Variants in NPAS3 observed in about 807,000 individuals in gnomAD.
The protein encoded by NPAS3 is neuronal PAS domain-containing protein 3.
Under a neutral mutation model 73.1 loss-of-function variants are expected in NPAS3, and 14 were observed. The observed-to-expected ratio is 0.19, with a 90% CI of 0.13 to 0.30. The LOEUF (loss-of-function observed/expected upper bound fraction) is 0.30. Among genes scored for constraint, NPAS3 ranks in the 10% least tolerant of loss-of-function variants. The pLI is 1.00. For synonymous variants in NPAS3, 620 were observed against 541.5 expected (o/e 1.14, Z -2.01); for missense variants, 1,096 against 1,250.0 (o/e 0.88, Z 1.86).
intron 1 of NPAS3, among the ~76,000 whole-genome samples, chr14:33,044,123 T>C (rs1314298853): frequency 6.6e-6 from 1 of 152,224 alleles, no homozygotes; most frequent in Non-Finnish European, 1.5e-5. Context: ...TTGTCAATGA[T>C]GTTAAAAACT....
chr14:33,800,318 C>G lies in NPAS3; in HGVS notation c.2011C>G (p.Arg671Gly). The change falls in exon 12 of 12, where the codon CGG becomes GGG. Residue 671 changes from arginine (R) to glycine (G), a missense_variant. Transcript: ENST00000356141. The surrounding 1 kb of genome is among the most constrained non-coding windows in gnomAD (Gnocchi z 6.5). ...CAGCATCTGGAACTACCCGCCCAAC[C>G]GGGAGATCTCCAGGAACGAGTCCCC... The G allele has an allele frequency of 6.2e-7, 1 of 1,613,330 alleles. No individual in the cohort carries two copies. Among genetic ancestry groups the G allele is most frequent in the Non-Finnish European group, 8.5e-7 (1 of 1,179,578 alleles).
intron 2 of NPAS3, among the ~76,000 whole-genome samples, chr14:33,169,735 G>A (rs2045315237): frequency 6.6e-6 from 1 of 152,210 alleles, no homozygotes; most frequent in Non-Finnish European, 1.5e-5. Context: ...CAGAAAGGCT[G>A]CCAGGTTTTC....
chr14:33,154,411 GT>G (rs1415315843), intron 2 of NPAS3, among the ~76,000 whole-genome samples: 6 of 152,228 alleles, frequency 3.9e-5, no homozygotes, highest in Non-Finnish European at 5.9e-5. Context: ...GTCTAAGAAT[GT>G]TTAATGGTCG....
chr14:33,078,933 T>G (rs2041766370), intron 2 of NPAS3, among the ~76,000 whole-genome samples: 1 of 152,192 alleles, frequency 6.6e-6, no homozygotes, highest in Admixed American at 6.5e-5. Context: ...TATCAGAAAA[T>G]AATTGAGAAT....
chr14:33,684,879 A>G (rs191826350), intron 6 of NPAS3, among the ~76,000 whole-genome samples: 5 of 152,330 alleles, frequency 3.3e-5, no homozygotes, highest in East Asian at 3.9e-4. Context: ...GAGCAGAGCA[A>G]TGGTGTTCAT....
At chr14:33,770,351 C>T (rs890942172) in intron 7 of NPAS3, among the ~76,000 whole-genome samples, 2 of 152,208 alleles carry the variant, frequency 1.3e-5, no homozygotes, top group Admixed American at 1.3e-4. Context: ...TGGGAATTCA[C>T]ATGTTAACAA....
chr14:33,197,249 G>GTGTGTA, intron 2 of NPAS3, among the ~76,000 whole-genome samples: 1 of 147,298 alleles, frequency 6.8e-6, no homozygotes, highest in East Asian at 2.0e-4. Context: ...GTGTGTGTGT[G>GTGTGTA]TGTGTGTGTG....
chr14:33,287,861 A>T (rs145192993), intron 3 of NPAS3, among the ~76,000 whole-genome samples: 30 of 152,346 alleles, frequency 2.0e-4, no homozygotes, highest in African/African-American at 4.8e-4. Context: ...CAGTGCATGT[A>T]CATTCCACCA....
At chr14:33,557,102 TGA>T (rs2055390684) in intron 4 of NPAS3, among the ~76,000 whole-genome samples, 6 of 152,118 alleles carry the variant, frequency 3.9e-5, no homozygotes, top group Non-Finnish European at 8.8e-5. Context: ...AAAGATATGT[TGA>T]AATTAGATCC....
chr14:32,943,955 G>T (rs1027833976), intron 1 of NPAS3, among the ~76,000 whole-genome samples: 4 of 152,168 alleles, frequency 2.6e-5, no homozygotes, highest in African/African-American at 9.7e-5. Flanking sequence ...CTCCCAAAGT[G>T]CTGGGATTAC....
intron 3 of NPAS3, among the ~76,000 whole-genome samples, chr14:33,219,461 C>A (rs1394586152): frequency 1.3e-5 from 2 of 152,116 alleles, no homozygotes; most frequent in Non-Finnish European, 2.9e-5. Flanking sequence ...GGTAACAATG[C>A]TAAAATATGT....
chr14:33,715,145 T>C (rs1245336388), intron 6 of NPAS3, among the ~76,000 whole-genome samples: 1 of 152,266 alleles, frequency 6.6e-6, no homozygotes, highest in African/African-American at 2.4e-5. Context: ...TTGACTATAA[T>C]AGGGACCTGT....
chr14:33,333,335 G>A (rs1231366087), intron 3 of NPAS3, among the ~76,000 whole-genome samples: 1 of 152,164 alleles, frequency 6.6e-6, no homozygotes. Context: ...GCAAACAGAT[G>A]TTTAACATTT....
chr14:33,779,174 T>C (rs554763884), intron 9 of NPAS3, among the ~76,000 whole-genome samples: 6 of 152,184 alleles, frequency 3.9e-5, no homozygotes, highest in Admixed American at 6.5e-5. Context: ...TTATCTCAGC[T>C]CTTTGAATAT....
chr14:33,441,616 C>T (rs140103867), intron 4 of NPAS3, among the ~76,000 whole-genome samples: 31 of 152,174 alleles, frequency 2.0e-4, no homozygotes, highest in Admixed American at 7.9e-4. Flanking sequence ...TTTTTGATTC[C>T]GGTTTTGACT....
intron 4 of NPAS3, among the ~76,000 whole-genome samples, chr14:33,472,548 G>A (rs1326891721): frequency 7.0e-6 from 1 of 143,422 alleles, no homozygotes; most frequent in Admixed American, 6.7e-5. Context: ...AGAATAGGCT[G>A]GAAGTTGGAA....
chr14:33,290,539 G>C (rs2042059129), intron 3 of NPAS3, among the ~76,000 whole-genome samples: 1 of 152,164 alleles, frequency 6.6e-6, no homozygotes, highest in African/African-American at 2.4e-5. Flanking sequence ...CAGCTGTGTG[G>C]GTGAGTTAAC....
chr14:33,195,987 C>T (rs748899581), intron 2 of NPAS3, among the ~76,000 whole-genome samples: 1 of 152,166 alleles, frequency 6.6e-6, no homozygotes, highest in Non-Finnish European at 1.5e-5. Flanking sequence ...AAAATAGGAT[C>T]TTCAAATGGA....
At chr14:33,599,530 G>A (rs1266529609) in intron 5 of NPAS3, among the ~76,000 whole-genome samples, 1 of 152,202 alleles carries the variant, frequency 6.6e-6, no homozygotes. Context: ...GCTTTAGACA[G>A]AGGTTTCAGG....
Sources: allele counts gnomAD v4.1 joint callset (sites outside exome capture counted in the v4.1 genomes callset), GRCh38; gene constraint gnomAD v4.1.1; non-coding constraint Gnocchi (gnomAD v3.1); transcripts MANE v1.5; gene names NCBI Gene and HGNC (gene_info 2026-07-23, HGNC 2026-07-21).